The following NEB variants were observed in gnomAD, a reference collection of about 807,000 sequenced individuals.
NEB encodes the protein nebulin.
A neutral mutation model predicts 952.2 loss-of-function variants in NEB; 512 were observed. The observed-to-expected ratio is 0.54, with a 90% CI of 0.50 to 0.58. NEB has a LOEUF of 0.58. Ranked by LOEUF, NEB falls within the 20% of genes least tolerant of loss-of-function variation. The probability of loss-of-function intolerance (pLI) is 0.00; values close to 1 mark genes in which losing one functional copy is unlikely to be tolerated. For missense variants in NEB, 8,428 were observed against 9,231.1 expected, an observed-to-expected ratio of 0.91 and a Z score of 3.56; for synonymous variants, 2,900 against 3,149.8, an observed-to-expected ratio of 0.92 and a Z score of 2.66.
intron 13 of NEB, among the ~76,000 whole-genome samples, chr2:151,700,821 T>A (rs1200485333): frequency 7.5e-6 from 1 of 133,280 alleles, no homozygotes; most frequent in Non-Finnish European, 1.6e-5. Flanking sequence ...CAGGGACAAT[T>A]TGACTTCCTC....
intron 133 of NEB, among the ~76,000 whole-genome samples, chr2:151,547,168 A>G (rs10208825): frequency 0.63 from 96,206 of 151,854 alleles, 30,748 homozygotes; most frequent in East Asian, 0.77. Flanking sequence ...GAATGATTCC[A>G]TGTTGAATGT....
chr2:151,656,204 T>C lies in NEB; in HGVS notation c.6444A>G (p.Pro2148=), dbSNP rs776361032. Reference sequence around the variant, plus strand: ...TGGTCAGCTCAATGTTCATTGCATCTGGAAGGAGGATGTACTTGTGAATCA... The same window carrying C: ...TGGTCAGCTCAATGTTCATTGCATCCGGAAGGAGGATGTACTTGTGAATCA... The part of the protein sequence containing the change: ...KHLIHKYILL[P]DAMNIELTRN... The change falls in exon 49 of 182, where the codon CCA becomes CCG. Residue 2148 remains proline, a synonymous_variant. Transcript: ENST00000397345. 14 of 1,610,974 alleles carry C rather than the reference T, an allele frequency of 8.7e-6. No individual in the cohort carries two copies. Among genetic ancestry groups the C allele is most frequent in the Non-Finnish European group, 1.2e-5 (14 of 1,177,914 alleles).
At chr2:151,720,113 G>C (rs1294380763) in intron 9 of NEB, among the ~76,000 whole-genome samples, 2 of 151,772 alleles carry the variant, frequency 1.3e-5, no homozygotes, top group African/African-American at 2.4e-5. Context: ...TGTTGTTATG[G>C]AGAATAATCT....
intron 145 of NEB, chr2:151,530,611 G>T: frequency 6.0e-6 from 1 of 167,456 alleles, no homozygotes; most frequent in Non-Finnish European, 1.3e-5. Flanking sequence ...CAGTACCTCA[G>T]GATATGTTTA....
intron 169 of NEB, 104 bp from the exon 170 acceptor site, chr2:151,498,456 G>A: frequency 1.3e-6 from 1 of 750,822 alleles, no homozygotes; most frequent in East Asian, 2.7e-5. Flanking sequence ...GAGTAAGTTA[G>A]AGGAAGAGAA....
rs748949581 is a variant in NEB, at chr2:151,663,872, A to T, written c.5452-13T>A. The T allele has an allele frequency of 1.2e-6, 2 of 1,604,564 alleles. No homozygotes were observed. The highest frequency in any genetic ancestry group is 1.7e-6 in the Non-Finnish European group (2 of 1,173,494). On this transcript the variant is annotated splice_polypyrimidine_tract_variant and intron_variant, in intron 44 of 181. Coordinates refer to ENST00000397345, the MANE Select transcript of NEB (RefSeq NM_001164508.2). ...TCTTGTATTTGTACTGTGGACAGAG[A>T]AGAAATTATGGTGATGAAAATGGTA...
intron 173 of NEB, among the ~76,000 whole-genome samples, chr2:151,495,597 G>A (rs562985649): frequency 2.0e-5 from 3 of 152,250 alleles, no homozygotes; most frequent in African/African-American, 7.2e-5. Flanking sequence ...CATATATAAT[G>A]TCACAGAGCA....
intron 29 of NEB, 119 bp downstream of exon 29, chr2:151,682,543 G>T: frequency 1.2e-6 from 1 of 816,214 alleles, no homozygotes; most frequent in Non-Finnish European, 2.0e-6. Flanking sequence ...CACGTGGTAA[G>T]CTCTTTTCCT....
In NEB at chr2:151,664,805, G is replaced by C. The variant is rs748408038; in HGVS notation, c.5297C>G (p.Thr1766Arg). Residue 1766 changes from threonine to arginine, a missense_variant, in exon 43 of 182, where the codon ACA becomes AGA. Around this residue, in one of 11 missense-constraint regions of NEB, gnomAD observed 2,851 missense variants for 2,791.5 expected, o/e 1.02. Transcript: ENST00000397345. ...TACTCTGGAGAGTAAAATATCCGGT[G>C]TGTCAGGCATGACATGAATGGTGGT... Reference protein sequence around the residue: ...DKTTIHVMPDTPDILLSRVNQ... With the variant: ...DKTTIHVMPDRPDILLSRVNQ... 6.2e-7 allele frequency: 1 copy of C among 1,613,080 alleles called. No homozygotes were observed. Among genetic ancestry groups the C allele is most frequent in the Non-Finnish European group, 8.5e-7 (1 of 1,179,422 alleles).
intron 167 of NEB, among the ~76,000 whole-genome samples, chr2:151,502,153 T>C (rs1374975831): frequency 6.6e-6 from 1 of 152,164 alleles, no homozygotes; most frequent in Non-Finnish European, 1.5e-5. Context: ...CTCACTGATA[T>C]GTGGGAACTA....
chr2:151,690,652 A>C, intron 24 of NEB, 75 bp downstream of exon 24: 1 of 1,043,914 alleles, frequency 9.6e-7, no homozygotes, highest in Non-Finnish European at 1.5e-6. Context: ...ATGAAGATTA[A>C]GCATGTAAAT....
intron 148 of NEB, 25 bp downstream of exon 148, chr2:151,526,893 A>G: frequency 1.4e-6 from 2 of 1,473,124 alleles, no homozygotes; most frequent in Middle Eastern, 1.7e-4. Flanking sequence ...GAGGTTAGGC[A>G]TCATGGAAGG....
chr2:151,608,880 G>T, intron 81 of NEB, among the ~76,000 whole-genome samples: 1 of 68,830 alleles, frequency 1.5e-5, no homozygotes, highest in Non-Finnish European at 2.7e-5. Flanking sequence ...TCCAGCCTGG[G>T]CAACAAGAGC....
intron 3 of NEB, among the ~76,000 whole-genome samples, chr2:151,732,589 T>A (rs780580506): frequency 6.6e-6 from 1 of 152,196 alleles, no homozygotes; most frequent in Non-Finnish European, 1.5e-5. Context: ...TTTGCTTGTA[T>A]GTGTGTGTCT....
intron 105 of NEB, among the ~76,000 whole-genome samples, chr2:151,578,725 G>C (rs1393510721): frequency 1.2e-4 from 17 of 146,688 alleles, no homozygotes; most frequent in Non-Finnish European, 1.9e-4. Context: ...GAAGGAAGGA[G>C]GGAAGGAAGG....
At chr2:151,675,015 T>C (rs1276911743) in intron 35 of NEB, among the ~76,000 whole-genome samples, 1 of 152,172 alleles carries the variant, frequency 6.6e-6, no homozygotes, top group Non-Finnish European at 1.5e-5. Context: ...CTCCCCCACA[T>C]GCAAAACTAG....
chr2:151,675,657 C>A (rs1043778880), intron 34 of NEB, among the ~76,000 whole-genome samples: 16 of 152,102 alleles, frequency 1.1e-4, no homozygotes, highest in Admixed American at 5.2e-4. Flanking sequence ...AACCATGAAA[C>A]CCTAGCAAGA....
intron 180 of NEB, 131 bp from the exon 181 acceptor site, chr2:151,490,208 T>C: frequency 8.5e-7 from 1 of 1,170,878 alleles, no homozygotes. Flanking sequence ...TCAAAGAAAA[T>C]GAAACATCTA....
intron 36 of NEB, among the ~76,000 whole-genome samples, chr2:151,673,737 T>TC (rs2099328488): frequency 6.9e-6 from 1 of 145,854 alleles, no homozygotes; most frequent in African/African-American, 2.5e-5. Flanking sequence ...TTTTTCTTTT[T>TC]TTTTTTTTTT....
Sources: allele counts gnomAD v4.1 joint callset (sites outside exome capture counted in the v4.1 genomes callset), GRCh38; gene constraint gnomAD v4.1.1; regional missense constraint gnomAD v4.1.1; transcripts MANE v1.5; gene names NCBI Gene and HGNC (gene_info 2026-07-23, HGNC 2026-07-21).